The following TAB2 variants were observed in gnomAD, a reference collection of about 807,000 sequenced individuals.
TAB2 encodes the protein TGF-beta-activated kinase 1 and MAP3K7-binding protein 2.
In TAB2, 3 loss-of-function variants were observed where a neutral mutation model predicts 65.0. The ratio of observed to expected loss-of-function variants is 0.05; its 90% CI spans 0.02 to 0.12. The LOEUF (loss-of-function observed/expected upper bound fraction) is 0.12. Among genes scored for constraint, TAB2 ranks in the 10% least tolerant of loss-of-function variants. The pLI, the probability that TAB2 is intolerant of heterozygous loss-of-function variation, is 1.00. For missense variants in TAB2, 623 were observed against 840.3 expected, an observed-to-expected ratio of 0.74 and a Z score of 3.20; for synonymous variants, 298 against 285.1, an observed-to-expected ratio of 1.05 and a Z score of -0.46.
At chr6:149,276,294 T>C (rs930378241) in intron 1 of TAB2, among the ~76,000 whole-genome samples, 1 of 152,212 alleles carries the variant, frequency 6.6e-6, no homozygotes, top group Admixed American at 6.5e-5. Flanking sequence ...GTGGTAATAA[T>C]GTCTGGAAAG....
At chr6:149,380,296 T>C (rs1781565908) in intron 3 of TAB2, among the ~76,000 whole-genome samples, 1 of 152,244 alleles carries the variant, frequency 6.6e-6, no homozygotes, top group African/African-American at 2.4e-5. Context: ...TTATTTTATA[T>C]TAAGTCTATT....
chr6:149,383,588 C>T (rs1441051005), intron 3 of TAB2, among the ~76,000 whole-genome samples: 1 of 152,044 alleles, frequency 6.6e-6, no homozygotes, highest in Non-Finnish European at 1.5e-5. Flanking sequence ...CCCAGTAACA[C>T]AGTCTTTTTT....
chr6:149,319,367 T>C (rs973542945), intron 1 of TAB2, among the ~76,000 whole-genome samples: 8 of 152,216 alleles, frequency 5.3e-5, no homozygotes, highest in African/African-American at 1.9e-4. Context: ...CTTTTGACGG[T>C]TTGAAACTGT....
intron 1 of TAB2, among the ~76,000 whole-genome samples, chr6:149,289,950 G>A (rs1201788367): frequency 6.6e-6 from 1 of 152,154 alleles, no homozygotes; most frequent in Admixed American, 6.5e-5. Context: ...GTTGGCAGTT[G>A]GTTATTATCT....
At chr6:149,297,419 G>T (rs1778894911) in intron 1 of TAB2, among the ~76,000 whole-genome samples, 1 of 152,088 alleles carries the variant, frequency 6.6e-6, no homozygotes, top group Non-Finnish European at 1.5e-5. Flanking sequence ...AATGATTTGG[G>T]TAAGAAGAGG....
chr6:149,320,936 G>A (rs1779435380), intron 1 of TAB2: 1 of 152,006 alleles, frequency 6.6e-6, no homozygotes, highest in South Asian at 2.1e-4. Context: ...TCTAACATTG[G>A]GTCTCTCTAG....
At chr6:149,384,771 C>T (rs928542429) in intron 3 of TAB2, among the ~76,000 whole-genome samples, 25 of 151,984 alleles carry the variant, frequency 1.6e-4, no homozygotes, top group Non-Finnish European at 2.8e-4. Flanking sequence ...ACACTGGCAA[C>T]TTTTATAGGT....
intron 1 of TAB2, among the ~76,000 whole-genome samples, chr6:149,234,672 T>A (rs1777463430): frequency 6.6e-6 from 1 of 151,990 alleles, no homozygotes; most frequent in Non-Finnish European, 1.5e-5. Flanking sequence ...TAGAGTGCAG[T>A]TAGGTTGGGT....
rs1486050005 is a variant in TAB2, at chr6:149,339,600, TA to T, written c.-90+21586del. Reference sequence around the variant, plus strand: ...AATTAATCTTTTTTATTTATTTATTTATTTATTTTTTTTTTTTTTTGAGACG... The same window carrying T: ...AATTAATCTTTTTTATTTATTTATTTTTTATTTTTTTTTTTTTTTGAGACG... On this transcript the variant is annotated intron_variant, in intron 1 of 6. Coordinates refer to ENST00000637181, the MANE Select transcript of TAB2 (RefSeq NM_001292034.3). Among the ~76,000 whole-genome samples, 250 of 53,866 alleles carry T rather than the reference TA, an allele frequency of 4.6e-3. 3 individuals carry two copies. Among genetic ancestry groups the T allele is most frequent in the African/African-American group, 0.012 (193 of 15,762 alleles). The allele number at this position is 53,866 out of a possible 152,430, so 35.3% of individuals were successfully genotyped here. A position where few individuals can be genotyped will look rare whatever the true frequency, so the allele number is the denominator to read the frequency against.
rs1562456249 is a variant in TAB2, at chr6:149,403,267, TATATATATATATATATACAC to T, written c.1939+4085_1939+4104del. Among the ~76,000 whole-genome samples the T allele has an allele frequency of 8.5e-4, 41 of 48,438 alleles. 3 individuals are homozygous for T. The highest frequency in any genetic ancestry group is 4.0e-3 in the African/African-American group (33 of 8,162). 31.8% of individuals were successfully genotyped at this position (48,438 alleles called of 152,430 possible). On this transcript the variant is annotated intron_variant, in intron 6 of 6. Transcript: ENST00000637181. ...AAAAAAATATATATATATATATATA[TATATATATATATATATACAC>T]ACACACACATATATATATATATATA...
chr6:149,228,432 T>C (rs556633594), intron 1 of TAB2, among the ~76,000 whole-genome samples: 3 of 152,258 alleles, frequency 2.0e-5, no homozygotes, highest in South Asian at 4.1e-4. Context: ...GGTGTAAGAA[T>C]GGAAGAGTGC....
At chr6:149,390,043 A>G (rs766661137) in intron 3 of TAB2, among the ~76,000 whole-genome samples, 1 of 152,342 alleles carries the variant, frequency 6.6e-6, no homozygotes, top group South Asian at 2.1e-4. Flanking sequence ...TTTAAAAATG[A>G]CAAAATAGTT....
chr6:149,290,373 C>T (rs377666373), intron 1 of TAB2, among the ~76,000 whole-genome samples: 4 of 152,212 alleles, frequency 2.6e-5, no homozygotes, highest in Non-Finnish European at 4.4e-5. Context: ...GCACCCTTCA[C>T]CCCGCACATT....
chr6:149,364,334 T>C (rs1324644670), intron 1 of TAB2, among the ~76,000 whole-genome samples: 1 of 152,150 alleles, frequency 6.6e-6, no homozygotes, highest in Non-Finnish European at 1.5e-5. Flanking sequence ...ATTTGGGCCC[T>C]ACCTATTTTG....
At chr6:149,367,111 G>C (rs536693794) in intron 1 of TAB2, among the ~76,000 whole-genome samples, 1 of 152,264 alleles carries the variant, frequency 6.6e-6, no homozygotes. Context: ...AGATAGAACA[G>C]TGAACTTCAG....
upstream of TAB2, among the ~76,000 whole-genome samples, chr6:149,314,152 A>G (rs1046854419): frequency 6.6e-6 from 1 of 152,226 alleles, no homozygotes; most frequent in African/African-American, 2.4e-5. Flanking sequence ...ATTTAAGTTT[A>G]AAGTTAAACA....
At chr6:149,358,640 CTGTGTGTG>C (rs370116039) in intron 1 of TAB2, among the ~76,000 whole-genome samples, 8 of 121,746 alleles carry the variant, frequency 6.6e-5, no homozygotes, top group South Asian at 2.9e-4. Flanking sequence ...CTTCAGAACT[CTGTGTGTG>C]TGTGTGTGTG....
chr6:149,337,476 G>A (rs911329273), intron 1 of TAB2, among the ~76,000 whole-genome samples: 1 of 152,276 alleles, frequency 6.6e-6, no homozygotes, highest in Non-Finnish European at 1.5e-5. Context: ...TAGCTGAAGT[G>A]ATAAGCAGGA....
At chr6:149,322,397 C>T (rs1199688199) in intron 1 of TAB2, among the ~76,000 whole-genome samples, 6 of 152,032 alleles carry the variant, frequency 3.9e-5, no homozygotes, top group Non-Finnish European at 8.8e-5. Context: ...AAAATTTTTC[C>T]TTTAAGAATA....
Sources: allele counts gnomAD v4.1 joint callset (sites outside exome capture counted in the v4.1 genomes callset), GRCh38; gene constraint gnomAD v4.1.1; transcripts MANE v1.5; gene names NCBI Gene and HGNC (gene_info 2026-07-23, HGNC 2026-07-21).